The following TCAIM variants were observed in gnomAD, a reference collection of about 807,000 sequenced individuals.
TCAIM encodes the protein T-cell activation inhibitor, mitochondrial.
Under a neutral mutation model 58.6 loss-of-function variants are expected in TCAIM, and 36 were observed. That is an observed-to-expected ratio of 0.61 (90% confidence interval 0.47 to 0.81). TCAIM has a LOEUF of 0.81. Ranked by LOEUF, TCAIM falls within the 30% of genes least tolerant of loss-of-function variation. The pLI is 0.00. For synonymous variants in TCAIM, 172 were observed against 193.6 expected (o/e 0.89, Z 0.93); for missense variants, 466 against 579.6 (o/e 0.80, Z 2.01).
chr3:44,400,042 A>T (rs1010396763), intron 8 of TCAIM, among the ~76,000 whole-genome samples: 1 of 152,228 alleles, frequency 6.6e-6, no homozygotes. Context: ...TAATAATTCT[A>T]AACTAATTTA....
chr3:44,398,352 C>T (rs1363528999), intron 8 of TCAIM, among the ~76,000 whole-genome samples: 2 of 152,030 alleles, frequency 1.3e-5, no homozygotes, highest in Non-Finnish European at 2.9e-5. Context: ...ATCATTTGAA[C>T]CCGGGAGACG....
At chr3:44,370,661 GTTTT>G (rs563480638) in intron 5 of TCAIM, among the ~76,000 whole-genome samples, 2 of 149,220 alleles carry the variant, frequency 1.3e-5, no homozygotes, top group African/African-American at 4.9e-5. Flanking sequence ...CAGTAGATAG[GTTTT>G]TTGTTTTTTT....
intron 5 of TCAIM, among the ~76,000 whole-genome samples, chr3:44,370,976 A>G (rs1701459243): frequency 6.9e-6 from 1 of 144,394 alleles, no homozygotes; most frequent in South Asian, 2.2e-4. Context: ...CAATGGCCCT[A>G]TCTCGGCTCA....
At chr3:44,406,315 A>G (rs1355444300) in intron 10 of TCAIM, among the ~76,000 whole-genome samples, 1 of 152,242 alleles carries the variant, frequency 6.6e-6, no homozygotes, top group Admixed American at 6.5e-5. Context: ...TTTCTTGACA[A>G]GTGAAAAATC....
At chr3:44,388,400 A>G (rs952339936) in intron 5 of TCAIM, among the ~76,000 whole-genome samples, 10 of 152,118 alleles carry the variant, frequency 6.6e-5, no homozygotes, top group Non-Finnish European at 1.0e-4. Flanking sequence ...GTTATTTTGT[A>G]GAATGTCTTT....
chr3:44,357,306 G>A (rs1264959588), intron 2 of TCAIM, among the ~76,000 whole-genome samples: 8 of 142,534 alleles, frequency 5.6e-5, no homozygotes, highest in Admixed American at 4.9e-4. Flanking sequence ...AGATCACACC[G>A]CTGCACTCCA....
chr3:44,344,171 T>C (rs917306580), intron 1 of TCAIM, among the ~76,000 whole-genome samples: 1 of 151,920 alleles, frequency 6.6e-6, no homozygotes, highest in Non-Finnish European at 1.5e-5. Context: ...GTCACCACAC[T>C]CAGCTAATTT....
intron 1 of TCAIM, 137 bp downstream of exon 1, chr3:44,338,971 G>A (rs1013289892): frequency 6.6e-6 from 1 of 152,222 alleles, no homozygotes; most frequent in African/African-American, 2.4e-5. Flanking sequence ...AGGGGACGCA[G>A]TATCCGCATC....
intron 5 of TCAIM, among the ~76,000 whole-genome samples, chr3:44,392,087 A>AG (rs1701847512): frequency 6.6e-6 from 1 of 152,248 alleles, no homozygotes; most frequent in African/African-American, 2.4e-5. Flanking sequence ...ATTTAAAAAA[A>AG]TATTCTATCT....
intron 10 of TCAIM, among the ~76,000 whole-genome samples, chr3:44,404,377 C>G (rs1389270941): frequency 6.6e-6 from 1 of 152,180 alleles, no homozygotes; most frequent in Non-Finnish European, 1.5e-5. Context: ...CCGGTGCCAA[C>G]TGGGATGGGT....
In TCAIM at chr3:44,409,287, T is replaced by A. The variant is rs1235746980; in HGVS notation, c.*1605T>A. On this transcript the variant is annotated 3_prime_UTR_variant, in exon 11 of 11. Coordinates refer to ENST00000342649, the MANE Select transcript of TCAIM (RefSeq NM_173826.4). The stretch of plus-strand genomic sequence containing the variant: ...CATAAGATTTTCTAGAGCCAAATAA[T>A]GGGAGTGAAAAATTCCTTAAGTGTT... 6.6e-6 allele frequency: 1 copy of A among 152,198 alleles called. No homozygotes were observed. Among genetic ancestry groups the A allele is most frequent in the Non-Finnish European group, 1.5e-5 (1 of 68,032 alleles). The allele number at this position is 152,198 out of a possible 1,614,324, so 9.4% of individuals were successfully genotyped here.
At chr3:44,399,134 G>GA (rs1388475595) in intron 8 of TCAIM, among the ~76,000 whole-genome samples, 1 of 152,090 alleles carries the variant, frequency 6.6e-6, no homozygotes, top group African/African-American at 2.4e-5. Context: ...ATACACGTGT[G>GA]AAAAATACAC....
intron 1 of TCAIM, among the ~76,000 whole-genome samples, chr3:44,350,437 C>CTT (rs34725315): frequency 2.7e-4 from 40 of 145,794 alleles, no homozygotes; most frequent in African/African-American, 8.7e-4. Context: ...CATTTTCTTT[C>CTT]TTTTTTTTTT....
chr3:44,364,249 A>C (rs1701336244), intron 4 of TCAIM, among the ~76,000 whole-genome samples: 1 of 152,010 alleles, frequency 6.6e-6, no homozygotes, highest in Non-Finnish European at 1.5e-5. Context: ...TAAAAAAAAA[A>C]AAAATGTAAA....
At chr3:44,358,356 T>G in intron 3 of TCAIM, 1 of 714,540 alleles carries the variant, frequency 1.4e-6, no homozygotes, top group East Asian at 2.6e-5. Flanking sequence ...GTAGATGTAG[T>G]TAAGACAGTC....
intron 1 of TCAIM, among the ~76,000 whole-genome samples, chr3:44,342,714 CT>C (rs768587907): frequency 5.9e-3 from 846 of 142,478 alleles, no homozygotes; most frequent in Middle Eastern, 7.3e-3. Context: ...TCACTAAAGC[CT>C]TTTTTTTTTT....
intron 10 of TCAIM, among the ~76,000 whole-genome samples, chr3:44,403,850 A>G (rs931293669): frequency 4.0e-5 from 6 of 151,874 alleles, no homozygotes; most frequent in African/African-American, 7.3e-5. Context: ...CTGAGCCTCC[A>G]TCATTTTGTG....
At chr3:44,361,942 G>A (rs1701302043) in intron 4 of TCAIM, among the ~76,000 whole-genome samples, 1 of 152,122 alleles carries the variant, frequency 6.6e-6, no homozygotes. Flanking sequence ...CTTGAACCCA[G>A]GTCTTTGAAC....
rs750437113 is a variant in TCAIM, at chr3:44,400,449, T to A, written c.980T>A (p.Val327Asp). The change falls in exon 9 of 11, where the codon GTT becomes GAT. Residue 327 changes from valine to aspartate, a missense_variant. Physicochemically the swap from Val to Asp is radical, Grantham distance 152. Transcript: ENST00000342649. ...TATCTTTTAGGTGGCATACAAGTTGTTTATATTGAAGAATTACAGCCAGTA... is the reference window on the plus strand; with the variant it reads ...TATCTTTTAGGTGGCATACAAGTTGATTATATTGAAGAATTACAGCCAGTA... Reference protein sequence around the residue: ...ISYLLGGIQVVYIEELQPVLT... With the variant: ...ISYLLGGIQVDYIEELQPVLT... 6.2e-7 allele frequency: 1 copy of A among 1,613,862 alleles called. No individual in the cohort carries two copies. Among genetic ancestry groups the A allele is most frequent in the East Asian group, 2.2e-5 (1 of 44,790 alleles).
Sources: allele counts gnomAD v4.1 joint callset (sites outside exome capture counted in the v4.1 genomes callset), GRCh38; gene constraint gnomAD v4.1.1; transcripts MANE v1.5; gene names NCBI Gene and HGNC (gene_info 2026-07-23, HGNC 2026-07-21).